Variants in SPPL2A observed in about 807,000 individuals in gnomAD.
SPPL2A encodes the protein signal peptide peptidase like 2A.
SPPL2A carries 51 observed loss-of-function variants against 63.8 expected under a neutral mutation model. The observed-to-expected ratio is 0.80, with a 90% CI of 0.64 to 1.01. SPPL2A has a LOEUF of 1.01. SPPL2A is among the 50% of genes least tolerant of loss of function. The pLI, the probability that SPPL2A is intolerant of heterozygous loss-of-function variation, is 0.00. For synonymous variants in SPPL2A, 188 were observed against 205.8 expected (o/e 0.91, Z 0.74); for missense variants, 553 against 622.7 (o/e 0.89, Z 1.19).
At position 50,738,248 on chromosome 15, in the gene SPPL2A, C is replaced by T. The variant is rs114804570; in HGVS notation, c.733+1432G>A. Among the ~76,000 whole-genome samples the T allele has an allele frequency of 5.6e-3, 854 of 151,560 alleles. 6 individuals are homozygous for T. Among genetic ancestry groups the T allele is most frequent in the African/African-American group, 0.02 (829 of 41,370 alleles). ...AACTGCTGTCACAGGACAAGAGAAA[C>T]TGAACAAAAACTGAATGAGGCTGGG... On this transcript the variant is annotated intron_variant, in intron 6 of 14. Coordinates refer to ENST00000261854, the MANE Select transcript of SPPL2A (RefSeq NM_032802.4).
In SPPL2A at chr15:50,732,995, A is replaced by C. The variant is rs534958494; in HGVS notation, c.933-311T>G. Among the ~76,000 whole-genome samples the C allele has an allele frequency of 2.0e-5, 3 of 152,222 alleles. No homozygotes were observed. The East Asian group carries it at 5.8e-4, about 29-fold the overall frequency. ...CAATTATTAAACAGCAAGCATAACA[A>C]CAAAACCCCTCATATACTCTATATT... On this transcript the variant is annotated intron_variant, in intron 8 of 14. Transcript: ENST00000261854.
Position 50,707,746 on chromosome 15 carries a change from G to A in SPPL2A, c.*54C>T, listed in dbSNP as rs999723245. 31 of 912,676 alleles carry A rather than the reference G, an allele frequency of 3.4e-5. 1 individual carries two copies. The Admixed American group carries it at 5.2e-4, about 15-fold the overall frequency. The allele number at this position is 912,676 out of a possible 1,614,324, so 56.5% of individuals were successfully genotyped here. A position where few individuals can be genotyped will look rare whatever the true frequency, so the allele number is the denominator to read the frequency against. On this transcript the variant is annotated 3_prime_UTR_variant, in exon 15 of 15. Transcript: ENST00000261854. The stretch of plus-strand genomic sequence containing the variant: ...GTCAATTCAAAAGTCAATTTAAAAA[G>A]TCGAAGTCTATTTGTAGAAAATCAA...
At chr15:50,732,567 T>G in intron 9 of SPPL2A, 36 bp downstream of exon 9, 2 of 1,305,362 alleles carry the variant, frequency 1.5e-6, no homozygotes, top group Non-Finnish European at 2.1e-6. Context: ...TTTTAAAAAT[T>G]TATTTTAACT....
chr15:50,747,201 A>G (rs1344399636), intron 5 of SPPL2A, among the ~76,000 whole-genome samples: 1 of 152,196 alleles, frequency 6.6e-6, no homozygotes, highest in African/African-American at 2.4e-5. Flanking sequence ...ATCAATAGGC[A>G]TATTAGGATA....
intron 5 of SPPL2A, chr15:50,746,907 A>T (rs1207133804): frequency 2.0e-5 from 3 of 152,642 alleles, no homozygotes; most frequent in Non-Finnish European, 4.4e-5. Context: ...ACCTCAGGTG[A>T]TCTGCCCGCC....
At chr15:50,758,190 G>A (rs1380959350) in intron 1 of SPPL2A, among the ~76,000 whole-genome samples, 2 of 149,938 alleles carry the variant, frequency 1.3e-5, no homozygotes, top group Non-Finnish European at 3.0e-5. Context: ...TCAGGAGGCT[G>A]AGGCAGGAGA....
intron 14 of SPPL2A, among the ~76,000 whole-genome samples, chr15:50,716,555 T>C (rs2062600772): frequency 6.6e-6 from 1 of 152,202 alleles, no homozygotes; most frequent in Non-Finnish European, 1.5e-5. Flanking sequence ...GAAATGAATT[T>C]TTTATAAGTA....
intron 14 of SPPL2A, among the ~76,000 whole-genome samples, chr15:50,712,495 T>C (rs1596374649): frequency 6.6e-6 from 1 of 152,008 alleles, no homozygotes; most frequent in East Asian, 1.9e-4. Context: ...AGTGGAACCA[T>C]ATCAAGTCTC....
At chr15:50,763,877 GAC>G (rs2063034762) in intron 1 of SPPL2A, among the ~76,000 whole-genome samples, 2 of 152,036 alleles carry the variant, frequency 1.3e-5, no homozygotes, top group Non-Finnish European at 2.9e-5. Context: ...CAGCCTGGGC[GAC>G]AGAGTGAGAC....
chr15:50,733,858 G>C (rs1457634075), intron 8 of SPPL2A, among the ~76,000 whole-genome samples: 6 of 151,922 alleles, frequency 3.9e-5, no homozygotes, highest in African/African-American at 9.7e-5. Flanking sequence ...CAAAATATCT[G>C]AATAGACATT....
chr15:50,719,780 G>T (rs1419251965), intron 14 of SPPL2A, among the ~76,000 whole-genome samples, 160 bp downstream of exon 14: 1 of 151,856 alleles, frequency 6.6e-6, no homozygotes, highest in African/African-American at 2.4e-5. Flanking sequence ...GATTGCAGGG[G>T]AGGTCACAAA....
chr15:50,717,527 A>C (rs1207777574), intron 14 of SPPL2A, among the ~76,000 whole-genome samples: 4 of 152,120 alleles, frequency 2.6e-5, no homozygotes, highest in Non-Finnish European at 5.9e-5. Context: ...TTAATTTTCT[A>C]GATTTCTTAA....
At chr15:50,739,474 T>C (rs1043929787) in intron 6 of SPPL2A, among the ~76,000 whole-genome samples, 1 of 151,972 alleles carries the variant, frequency 6.6e-6, no homozygotes, top group Non-Finnish European at 1.5e-5. Flanking sequence ...TCACTGCTCC[T>C]GGCACATATT....
intron 13 of SPPL2A, 29 bp downstream of exon 13, chr15:50,722,095 A>G: frequency 8.4e-7 from 1 of 1,186,814 alleles, no homozygotes; most frequent in Non-Finnish European, 1.3e-6. Flanking sequence ...ACAATTCAAC[A>G]TTTAATACAA....
intron 1 of SPPL2A, among the ~76,000 whole-genome samples, chr15:50,755,847 T>C (rs1349812947): frequency 2.0e-5 from 3 of 151,838 alleles, no homozygotes; most frequent in South Asian, 2.1e-4. Context: ...CTCAAACTCC[T>C]GGCCTCAAGT....
chr15:50,739,893 C>G, intron 5 of SPPL2A, 65 bp from the exon 6 acceptor site: 1 of 1,006,012 alleles, frequency 9.9e-7, no homozygotes, highest in Non-Finnish European at 1.4e-6. Context: ...AAATTTATCT[C>G]TAACACCAAT....
intron 6 of SPPL2A, among the ~76,000 whole-genome samples, chr15:50,738,770 TA>T (rs1596388763): frequency 6.6e-6 from 1 of 152,128 alleles, no homozygotes; most frequent in East Asian, 1.9e-4. Flanking sequence ...AAGCCATTAA[TA>T]AGACTGTTCA....
intron 10 of SPPL2A, among the ~76,000 whole-genome samples, chr15:50,728,857 C>T (rs1048213562): frequency 6.7e-5 from 10 of 148,904 alleles, no homozygotes; most frequent in East Asian, 2.0e-4. Context: ...CTCTGTTGCC[C>T]GGCTGGAGTG....
chr15:50,757,564 C>T (rs931202563), intron 1 of SPPL2A, among the ~76,000 whole-genome samples: 1 of 152,136 alleles, frequency 6.6e-6, no homozygotes, highest in Non-Finnish European at 1.5e-5. Context: ...AAGCTCACAA[C>T]AGAATCTTTA....
Sources: allele counts gnomAD v4.1 joint callset (sites outside exome capture counted in the v4.1 genomes callset), GRCh38; gene constraint gnomAD v4.1.1; transcripts MANE v1.5; gene names NCBI Gene and HGNC (gene_info 2026-07-23, HGNC 2026-07-21).